ARHGAP28: variants seen among roughly 807,000 people sequenced by gnomAD.
The protein encoded by ARHGAP28 is rho GTPase-activating protein 28.
In ARHGAP28, 56 loss-of-function variants were observed where a neutral mutation model predicts 90.7. The observed-to-expected ratio is 0.62, with a 90% confidence interval of 0.50 to 0.77. The LOEUF is 0.77. Ranked by LOEUF, ARHGAP28 falls within the 30% of genes least tolerant of loss-of-function variation. The probability of loss-of-function intolerance (pLI) is 0.00; values close to 1 mark genes in which losing one functional copy is unlikely to be tolerated. For synonymous variants in ARHGAP28, 308 were observed against 323.3 expected (o/e 0.95, Z 0.51); for missense variants, 869 against 900.9 (o/e 0.96, Z 0.45).
At chr18:6,827,327 C>A (rs1411993442) in intron 2 of ARHGAP28, among the ~76,000 whole-genome samples, 2 of 148,776 alleles carry the variant, frequency 1.3e-5, no homozygotes, top group African/African-American at 4.9e-5. Flanking sequence ...CTGAACCCTC[C>A]ACCTCCCTCC....
chr18:6,845,004 G>T (rs2056855732), intron 3 of ARHGAP28, among the ~76,000 whole-genome samples: 5 of 152,196 alleles, frequency 3.3e-5, no homozygotes, highest in Admixed American at 3.3e-4. Flanking sequence ...GCTTATAATG[G>T]AAAATCTTGA....
intron 3 of ARHGAP28, among the ~76,000 whole-genome samples, chr18:6,842,831 A>C (rs2056837672): frequency 6.6e-6 from 1 of 152,140 alleles, no homozygotes; most frequent in Non-Finnish European, 1.5e-5. Flanking sequence ...TCTGAATCAA[A>C]ATATCCCATA....
chr18:6,788,084 T>C (rs968540626), intron 1 of ARHGAP28, among the ~76,000 whole-genome samples: 12 of 152,330 alleles, frequency 7.9e-5, no homozygotes, highest in African/African-American at 2.9e-4. Context: ...TCATGTTGAA[T>C]TGTAATCTGC....
intron 14 of ARHGAP28, among the ~76,000 whole-genome samples, chr18:6,893,830 G>C (rs1299895020): frequency 1.4e-5 from 2 of 146,038 alleles, no homozygotes; most frequent in Non-Finnish European, 3.0e-5. Flanking sequence ...CAAAGAAATA[G>C]TTTTTCTTTC....
chr18:6,910,848 CTT>C (rs1555637711), intron 17 of ARHGAP28, among the ~76,000 whole-genome samples: 1 of 7,592 alleles, frequency 1.3e-4, no homozygotes, highest in Non-Finnish European at 6.6e-4. Flanking sequence ...GTTTTGTTTG[CTT>C]TGTTTTTTTT....
rs552355674 is a variant in ARHGAP28, at chr18:6,859,954, A to G, written c.726+57A>G. The G allele has an allele frequency of 1.3e-5, 19 of 1,444,928 alleles. No individual in the cohort carries two copies. The African/African-American group carries it at 2.5e-4, about 19-fold the overall frequency. 89.5% of individuals were successfully genotyped at this position (1,444,928 alleles called of 1,614,324 possible). ...CAAGGTACAGTTGCAAGTCAAAGCAACTAATGTAGGAAGGTAAGAAGAAGC... is the reference window on the plus strand; with the variant it reads ...CAAGGTACAGTTGCAAGTCAAAGCAGCTAATGTAGGAAGGTAAGAAGAAGC... On this transcript the variant is annotated intron_variant, in intron 5 of 17. Coordinates refer to ENST00000383472, the MANE Select transcript of ARHGAP28 (RefSeq NM_001366230.1).
At chr18:6,767,741 A>G (rs529928558) in intron 1 of ARHGAP28, among the ~76,000 whole-genome samples, 6 of 152,170 alleles carry the variant, frequency 3.9e-5, no homozygotes, top group South Asian at 2.1e-4. Flanking sequence ...GCTGCTGTCA[A>G]TATTTTCTCT....
chr18:6,742,587 T>C (rs902515751), intron 1 of ARHGAP28, among the ~76,000 whole-genome samples: 16 of 152,190 alleles, frequency 1.1e-4, no homozygotes. Context: ...CTTTAGGTTC[T>C]TGTGGGATAA....
intron 1 of ARHGAP28, among the ~76,000 whole-genome samples, chr18:6,731,374 T>C (rs2055881181): frequency 1.3e-5 from 2 of 152,278 alleles, no homozygotes; most frequent in African/African-American, 4.8e-5. Flanking sequence ...GTAGCTGTCC[T>C]GTCTATAATT....
chr18:6,850,278 T>C (rs2056899460), intron 3 of ARHGAP28, among the ~76,000 whole-genome samples: 1 of 152,232 alleles, frequency 6.6e-6, no homozygotes, highest in African/African-American at 2.4e-5. Context: ...ATCTGCTTTT[T>C]GTAGAATGTT....
At chr18:6,763,582 C>T (rs748403458) in intron 1 of ARHGAP28, among the ~76,000 whole-genome samples, 14 of 152,296 alleles carry the variant, frequency 9.2e-5, no homozygotes, top group Middle Eastern at 3.4e-3. Flanking sequence ...TTACTGCAGA[C>T]ACTTGTTTAA....
intron 1 of ARHGAP28, among the ~76,000 whole-genome samples, chr18:6,785,123 G>A (rs1315225988): frequency 1.3e-5 from 2 of 152,112 alleles, no homozygotes; most frequent in Non-Finnish European, 2.9e-5. Context: ...CTTTCAGAAG[G>A]ATTCTCCAAT....
chr18:6,758,125 T>C (rs1202221988), intron 1 of ARHGAP28, among the ~76,000 whole-genome samples: 1 of 152,242 alleles, frequency 6.6e-6, no homozygotes, highest in African/African-American at 2.4e-5. Context: ...TCTTTTGACC[T>C]GTGTCACTGC....
chr18:6,792,348 T>G (rs2056412692), intron 1 of ARHGAP28, among the ~76,000 whole-genome samples: 1 of 152,182 alleles, frequency 6.6e-6, no homozygotes. Flanking sequence ...AAATGTTTAA[T>G]AAAGCTGAGC....
chr18:6,889,194 T>C (rs2143711100), intron 12 of ARHGAP28, among the ~76,000 whole-genome samples: 1 of 152,298 alleles, frequency 6.6e-6, no homozygotes, highest in East Asian at 1.9e-4. Context: ...TTTGGGGATT[T>C]CAGTCGTCTT....
intron 1 of ARHGAP28, among the ~76,000 whole-genome samples, chr18:6,735,037 T>A (rs2143128074): frequency 6.6e-6 from 1 of 152,338 alleles, no homozygotes; most frequent in South Asian, 2.1e-4. Context: ...TTTAAGCTGC[T>A]CACTTCTCCC....
At chr18:6,806,137 G>T (rs1419279857) in intron 1 of ARHGAP28, among the ~76,000 whole-genome samples, 1 of 151,490 alleles carries the variant, frequency 6.6e-6, no homozygotes, top group Non-Finnish European at 1.5e-5. Flanking sequence ...CAGGCAGTCC[G>T]CCTGCCTCAG....
rs114555459 is a variant in ARHGAP28, at chr18:6,866,211, G to A, written c.727-1939G>A. 4.7e-3 allele frequency among the ~76,000 whole-genome samples: 720 copies of A among 152,216 alleles called. 8 individuals carry two copies. Among genetic ancestry groups the A allele is most frequent in the African/African-American group, 0.016 (674 of 41,522 alleles). ...GATGTGCATTTGTTTGTCTTGCTCT[G>A]TTTTGTTTCTAACCTTTAGGATTCT... On this transcript the variant is annotated intron_variant, in intron 5 of 17. Coordinates refer to ENST00000383472, the MANE Select transcript of ARHGAP28 (RefSeq NM_001366230.1).
At chr18:6,884,062 GT>G (rs1200193569) in intron 11 of ARHGAP28, among the ~76,000 whole-genome samples, 1 of 152,044 alleles carries the variant, frequency 6.6e-6, no homozygotes, top group Admixed American at 6.6e-5. Context: ...TTGAGCACAG[GT>G]ACAATAGCTG....
Sources: allele counts gnomAD v4.1 joint callset (sites outside exome capture counted in the v4.1 genomes callset), GRCh38; gene constraint gnomAD v4.1.1; transcripts MANE v1.5; gene names NCBI Gene and HGNC (gene_info 2026-07-23, HGNC 2026-07-21).